The following ZZZ3 variants were observed in gnomAD, a reference collection of about 807,000 sequenced individuals.
The protein encoded by ZZZ3 is zinc finger ZZ-type containing 3.
A neutral mutation model predicts 95.2 loss-of-function variants in ZZZ3; 22 were observed. The observed-to-expected ratio is 0.23, with a 90% CI of 0.17 to 0.33. The LOEUF (loss-of-function observed/expected upper bound fraction) is 0.33, where lower values mean the gene tolerates loss of function less well. Ranked by LOEUF, ZZZ3 falls within the 10% of genes least tolerant of loss-of-function variation. The probability of loss-of-function intolerance (pLI) is 1.00; values close to 1 mark genes in which losing one functional copy is unlikely to be tolerated. For synonymous variants in ZZZ3, 335 were observed against 358.9 expected (o/e 0.93, Z 0.75); for missense variants, 885 against 1,066.5 (o/e 0.83, Z 2.37).
intron 1 of ZZZ3, among the ~76,000 whole-genome samples, chr1:77,651,047 ATTAAC>A (rs1461671828): frequency 1.3e-5 from 2 of 152,162 alleles, no homozygotes; most frequent in South Asian, 2.1e-4. Context: ...ATATACAAAA[ATTAAC>A]TTAGGATGAA....
intron 5 of ZZZ3, among the ~76,000 whole-genome samples, chr1:77,596,951 T>A (rs1664269738): frequency 6.6e-6 from 1 of 152,082 alleles, no homozygotes. Context: ...ATTTTCTTGC[T>A]CTATCAGCTG....
chr1:77,638,413 A>AT (rs537715554), intron 4 of ZZZ3, among the ~76,000 whole-genome samples: 73 of 152,360 alleles, frequency 4.8e-4, no homozygotes, highest in African/African-American at 1.7e-3. Flanking sequence ...TCCTATGATC[A>AT]TACCTGTAGA....
chr1:77,622,896 C>T (rs531031279), intron 5 of ZZZ3, among the ~76,000 whole-genome samples: 29 of 152,162 alleles, frequency 1.9e-4, no homozygotes, highest in Non-Finnish European at 3.5e-4. Flanking sequence ...AGTAAAAGCT[C>T]GCCCACAGTA....
chr1:77,661,192 G>C (rs1030439818), intron 1 of ZZZ3, among the ~76,000 whole-genome samples: 3 of 152,062 alleles, frequency 2.0e-5, no homozygotes, highest in Non-Finnish European at 2.9e-5. Flanking sequence ...GAGGTGGGCA[G>C]ATCATGAGGT....
At chr1:77,615,205 T>C (rs1666192758) in intron 5 of ZZZ3, among the ~76,000 whole-genome samples, 1 of 152,234 alleles carries the variant, frequency 6.6e-6, no homozygotes, top group Admixed American at 6.5e-5. Context: ...CCAAGGGTCA[T>C]TCGAATTTCA....
chr1:77,579,413 G>T, intron 10 of ZZZ3, 114 bp downstream of exon 10: 1 of 756,942 alleles, frequency 1.3e-6, no homozygotes, highest in African/African-American at 1.8e-5. Flanking sequence ...ACATACTACA[G>T]CACTCTGTAG....
intron 11 of ZZZ3, 127 bp from the exon 12 acceptor site, chr1:77,576,347 C>A: frequency 1.4e-6 from 1 of 731,952 alleles, no homozygotes; most frequent in South Asian, 3.3e-5. Flanking sequence ...TTAGCATACT[C>A]TTATGTTGTT....
chr1:77,625,375 T>C (rs1667243120), intron 5 of ZZZ3, among the ~76,000 whole-genome samples: 1 of 152,082 alleles, frequency 6.6e-6, no homozygotes, highest in Admixed American at 6.5e-5. Context: ...CCTCAATGTA[T>C]CAATCACTAA....
At chr1:77,586,527 T>G (rs571861586) in intron 5 of ZZZ3, among the ~76,000 whole-genome samples, 1 of 152,308 alleles carries the variant, frequency 6.6e-6, no homozygotes, top group East Asian at 1.9e-4. Context: ...AAGAAGGGCC[T>G]CTAATTTGAA....
At chr1:77,572,991 C>T (rs1017700196) in intron 12 of ZZZ3, among the ~76,000 whole-genome samples, 7 of 152,058 alleles carry the variant, frequency 4.6e-5, no homozygotes, top group Non-Finnish European at 8.8e-5. Flanking sequence ...TTCATCTGGC[C>T]AATTTTTATC....
chr1:77,659,386 A>C (rs1349961579), intron 1 of ZZZ3, among the ~76,000 whole-genome samples: 1 of 151,908 alleles, frequency 6.6e-6, no homozygotes, highest in East Asian at 1.9e-4. Flanking sequence ...CAGTTGATCC[A>C]GGTGTGGTAG....
At chr1:77,600,724 C>T (rs1276709177) in intron 5 of ZZZ3, among the ~76,000 whole-genome samples, 1 of 152,032 alleles carries the variant, frequency 6.6e-6, no homozygotes, top group Non-Finnish European at 1.5e-5. Context: ...GACTTTAGGA[C>T]CACAAACAGC....
At chr1:77,577,218 T>A (rs2100529415) in intron 11 of ZZZ3, among the ~76,000 whole-genome samples, 1 of 152,318 alleles carries the variant, frequency 6.6e-6, no homozygotes, top group South Asian at 2.1e-4. Context: ...CTGTACTAGA[T>A]CTTCACAGCC....
intron 1 of ZZZ3, among the ~76,000 whole-genome samples, chr1:77,675,598 A>G (rs1222818531): frequency 6.6e-6 from 1 of 150,880 alleles, no homozygotes; most frequent in African/African-American, 2.4e-5. Flanking sequence ...CACAGGACAC[A>G]CTTTTTTTTT....
intron 5 of ZZZ3, among the ~76,000 whole-genome samples, chr1:77,589,977 C>G (rs751513073): frequency 6.6e-6 from 1 of 152,092 alleles, no homozygotes; most frequent in African/African-American, 2.4e-5. Context: ...CATTTGTAAT[C>G]TAAAAAAACT....
At chr1:77,658,216 T>C (rs1448120987) in intron 1 of ZZZ3, among the ~76,000 whole-genome samples, 1 of 150,204 alleles carries the variant, frequency 6.7e-6, no homozygotes, top group Non-Finnish European at 1.5e-5. Context: ...AACATACTAG[T>C]GTATTCTCTT....
chr1:77,610,953 T>C (rs959139392), intron 5 of ZZZ3, among the ~76,000 whole-genome samples: 9 of 151,760 alleles, frequency 5.9e-5, no homozygotes, highest in South Asian at 2.1e-4. Context: ...AACCCAGTAA[T>C]AGAAGTCCTA....
chr1:77,584,312 T>C (rs1167337042), intron 6 of ZZZ3, among the ~76,000 whole-genome samples: 2 of 152,344 alleles, frequency 1.3e-5, no homozygotes, highest in Middle Eastern at 3.4e-3. Flanking sequence ...TAAAAGCTTC[T>C]AGCTATTTTC....
Position 77,639,586 on chromosome 1 carries a change from G to C in ZZZ3, c.-189C>G. On this transcript the variant is annotated 5_prime_UTR_variant, in exon 4 of 15. Transcript: ENST00000370801. Reference sequence around the variant, plus strand: ...TCAGCTTCAGCCATGAAGAATACTAGAACCTCCTAAATTTTTCTTTAAAAT... The same window carrying C: ...TCAGCTTCAGCCATGAAGAATACTACAACCTCCTAAATTTTTCTTTAAAAT... The C allele has an allele frequency of 1.6e-6, 1 of 629,590 alleles. No homozygotes were observed. Among genetic ancestry groups the C allele is most frequent in the Non-Finnish European group, 2.4e-6 (1 of 413,554 alleles). 39.0% of individuals were successfully genotyped at this position (629,590 alleles called of 1,614,324 possible).
Sources: allele counts gnomAD v4.1 joint callset (sites outside exome capture counted in the v4.1 genomes callset), GRCh38; gene constraint gnomAD v4.1.1; transcripts MANE v1.5; gene names NCBI Gene and HGNC (gene_info 2026-07-23, HGNC 2026-07-21).